Variants in MRM1 observed in about 807,000 individuals in gnomAD.
MRM1 encodes the protein rRNA methyltransferase 1, mitochondrial.
A neutral mutation model predicts 25.0 loss-of-function variants in MRM1; 24 were observed. The ratio of observed to expected loss-of-function variants is 0.96; its 90% confidence interval spans 0.69 to 1.35. The LOEUF (loss-of-function observed/expected upper bound fraction) is 1.35. MRM1 is among the 40% of genes most tolerant of loss of function. The pLI, the probability that MRM1 is intolerant of heterozygous loss-of-function variation, is 0.00. For synonymous variants in MRM1, 188 were observed against 199.2 expected (o/e 0.94, Z 0.47); for missense variants, 431 against 464.1 (o/e 0.93, Z 0.65).
the MRM1 span, among the ~76,000 whole-genome samples, chr17:36,627,677 T>TTC: frequency 0.11 from 15,878 of 138,112 alleles, 1,132 homozygotes; most frequent in Admixed American, 0.2. Context: ...GGACACTGTT[T>TTC]TTTTTTTTTT....
Position 36,608,484 on chromosome 17 carries a change from G to A in MRM1, c.*69G>A. Reference sequence around the variant, plus strand: ...CGCACCTGCCTCCGCCGGCTCCAGTGTGCGGGGAGCCTCTGCCTGAGTGTG... The same window carrying A: ...CGCACCTGCCTCCGCCGGCTCCAGTATGCGGGGAGCCTCTGCCTGAGTGTG... On this transcript the variant is annotated 3_prime_UTR_variant, in exon 5 of 5. Transcript: ENST00000614766. 7.9e-7 allele frequency: 1 copy of A among 1,272,804 alleles called. No individual in the cohort carries two copies. The highest frequency in any genetic ancestry group is 1.0e-6 in the Non-Finnish European group (1 of 953,610). 78.8% of individuals were successfully genotyped at this position (1,272,804 alleles called of 1,614,324 possible).
chr17:36,605,009 G>T (rs553181337), intron 2 of MRM1, among the ~76,000 whole-genome samples: 3 of 150,792 alleles, frequency 2.0e-5, no homozygotes, highest in Non-Finnish European at 4.4e-5. Flanking sequence ...GCATGGTGGC[G>T]GGCACTTGTA....
rs1223442953 is a variant in MRM1, at chr17:36,602,115, C to CCAGACGG, written c.310_316dup (p.Lys106ThrfsTer70). On this transcript the variant is annotated frameshift_variant, in exon 1 of 5. Coordinates refer to ENST00000614766, the MANE Select transcript of MRM1 (RefSeq NM_024864.5). LOFTEE classifies it high-confidence loss of function. This position sits in a 1 kb window ranked among gnomAD's most constrained non-coding sequence, Gnocchi z 4.1. ...GCGCGGGACATTCCAGTTCTGCGGC[C>CCAGACGG]CAGACGGCAGAAACTGGACACAATG... 17 of 1,612,170 alleles carry CCAGACGG rather than the reference C, an allele frequency of 1.1e-5. No individual in the cohort carries two copies. The highest frequency in any genetic ancestry group is 1.4e-5 in the Non-Finnish European group (17 of 1,179,808).
the MRM1 span, among the ~76,000 whole-genome samples, chr17:36,623,005 G>C: frequency 6.6e-6 from 1 of 152,200 alleles, no homozygotes; most frequent in Non-Finnish European, 1.5e-5. Flanking sequence ...ACTGCCCCAC[G>C]CCCCAGGGTG....
chr17:36,629,156 G>A, the MRM1 span, among the ~76,000 whole-genome samples: 1 of 152,160 alleles, frequency 6.6e-6, no homozygotes, highest in South Asian at 2.1e-4. Flanking sequence ...ACAAAATAGT[G>A]CAAAGAGATT....
chr17:36,606,747 A>G (rs553289036), intron 2 of MRM1, among the ~76,000 whole-genome samples: 24 of 151,650 alleles, frequency 1.6e-4, no homozygotes, highest in Admixed American at 1.4e-3. Flanking sequence ...AGCTGGGACT[A>G]CAGGCATGTG....
the MRM1 span, among the ~76,000 whole-genome samples, chr17:36,623,093 C>T: frequency 1.3e-5 from 2 of 152,184 alleles, no homozygotes; most frequent in African/African-American, 4.8e-5. Flanking sequence ...AGTATCACTG[C>T]CGCCTTTTGC....
chr17:36,601,677 C>T lies in MRM1; in HGVS notation c.-134C>T, dbSNP rs2074867736. 1 of 976,584 alleles carries T rather than the reference C, an allele frequency of 1.0e-6. No homozygotes were observed. The allele number at this position is 976,584 out of a possible 1,614,324, so 60.5% of individuals were successfully genotyped here. A position where few individuals can be genotyped will look rare whatever the true frequency, so the allele number is the denominator to read the frequency against. On this transcript the variant is annotated 5_prime_UTR_variant, in exon 1 of 5. Coordinates refer to ENST00000614766, the MANE Select transcript of MRM1 (RefSeq NM_024864.5). ...GGTAATCGGGGCTGTTTGTTCCTGT[C>T]CGAGAGAGCTCGGCGGAGACGGCTG...
At chr17:36,634,658 T>C in the MRM1 span, 1 of 152,260 alleles carries the variant, frequency 6.6e-6, no homozygotes, top group African/African-American at 2.4e-5. Flanking sequence ...AGGTGTCTAA[T>C]TTCTTGCTAT....
At chr17:36,625,078 C>G in the MRM1 span, among the ~76,000 whole-genome samples, 4 of 152,188 alleles carry the variant, frequency 2.6e-5, no homozygotes, top group Admixed American at 6.5e-5. Context: ...TGTAAAGTCT[C>G]CAGCGAGGTC....
chr17:36,630,006 G>A, the MRM1 span, among the ~76,000 whole-genome samples: 2 of 152,324 alleles, frequency 1.3e-5, no homozygotes, highest in Non-Finnish European at 2.9e-5. Context: ...CCAGGCACAG[G>A]ACCTAAAGGC....
At chr17:36,627,531 C>T in the MRM1 span, among the ~76,000 whole-genome samples, 6 of 149,814 alleles carry the variant, frequency 4.0e-5, no homozygotes, top group East Asian at 1.9e-4. Flanking sequence ...AAATTGTTGA[C>T]GAGACCCTGA....
chr17:36,620,969 G>C, the MRM1 span, among the ~76,000 whole-genome samples: 2 of 152,190 alleles, frequency 1.3e-5, no homozygotes, highest in African/African-American at 4.8e-5. Context: ...GTGGACCTTG[G>C]TTCAGTTGCT....
chr17:36,633,177 C>G, the MRM1 span, among the ~76,000 whole-genome samples: 1 of 152,126 alleles, frequency 6.6e-6, no homozygotes, highest in South Asian at 2.1e-4. Context: ...GGGAATGTCC[C>G]CAGAGAAGAG....
At chr17:36,625,363 T>TTCTTCTTCCTCTTCC in the MRM1 span, among the ~76,000 whole-genome samples, 1 of 151,952 alleles carries the variant, frequency 6.6e-6, no homozygotes, top group Non-Finnish European at 1.5e-5. Flanking sequence ...CCTCTTCCTC[T>TTCTTCTTCCTCTTCC]TCTTTTTCTT....
chr17:36,606,928 A>ATTTTTTTTTT (rs2074935045), intron 2 of MRM1, among the ~76,000 whole-genome samples: 1 of 96,082 alleles, frequency 1.0e-5, no homozygotes. Context: ...TTTTTTTTTA[A>ATTTTTTTTTT]TTTGAGATGG....
chr17:36,632,297 TGAA>T, the MRM1 span, among the ~76,000 whole-genome samples: 2 of 152,040 alleles, frequency 1.3e-5, no homozygotes, highest in South Asian at 4.2e-4. Flanking sequence ...GGCCTGAGGA[TGAA>T]GAAGCAAAGA....
chr17:36,608,705 T>A lies in MRM1; in HGVS notation c.*290T>A, dbSNP rs1268862097. 5.4e-6 allele frequency: 2 copies of A among 371,062 alleles called. No homozygotes were observed. The highest frequency in any genetic ancestry group is 4.2e-5 in the African/African-American group (2 of 48,134). 23.0% of individuals were successfully genotyped at this position (371,062 alleles called of 1,614,324 possible). On this transcript the variant is annotated 3_prime_UTR_variant, in exon 5 of 5. Coordinates refer to ENST00000614766, the MANE Select transcript of MRM1 (RefSeq NM_024864.5). ...GCCCTGCCTGGAAGTTGAGGGAAAG[T>A]TTAGACATCTGCAGAGAGGCAGGCA...
the MRM1 span, among the ~76,000 whole-genome samples, chr17:36,618,787 G>A: frequency 6.6e-6 from 1 of 152,224 alleles, no homozygotes; most frequent in Non-Finnish European, 1.5e-5. Context: ...ATGAGATCGT[G>A]TGAATTAGGT....
Sources: gnomAD v4.1 joint callset for allele counts (sites outside exome capture counted in the v4.1 genomes callset) on GRCh38, gnomAD v4.1.1 for gene constraint, Gnocchi (gnomAD v3.1) non-coding constraint, MANE v1.5 for transcripts, NCBI Gene and HGNC (gene_info 2026-07-23, HGNC 2026-07-21) for gene names.